Variants in EPHB1 observed in about 807,000 individuals in gnomAD.
EPHB1 encodes ephrin type-B receptor 1.
Under a neutral mutation model 94.4 loss-of-function variants are expected in EPHB1, and 30 were observed. The observed-to-expected ratio is 0.32, with a 90% CI of 0.24 to 0.43. The LOEUF (loss-of-function observed/expected upper bound fraction) is 0.43. Ranked by LOEUF, EPHB1 falls within the 20% of genes least tolerant of loss-of-function variation. EPHB1 has a pLI of 1.00. For missense variants in EPHB1, 1,055 were observed against 1,308.3 expected (o/e 0.81, Z 2.99); for synonymous variants, 522 against 489.1 (o/e 1.07, Z -0.89).
At chr3:135,146,511 T>C (rs1456108570) in intron 5 of EPHB1, among the ~76,000 whole-genome samples, 2 of 152,176 alleles carry the variant, frequency 1.3e-5, no homozygotes, top group African/African-American at 4.8e-5. Flanking sequence ...GGGAAGGCTA[T>C]GCTTGTTCAC....
intron 9 of EPHB1, among the ~76,000 whole-genome samples, chr3:135,176,526 G>A (rs1026765494): frequency 1.3e-5 from 2 of 152,176 alleles, no homozygotes; most frequent in Admixed American, 6.5e-5. Context: ...ACATATATGT[G>A]TGCACACACA....
intron 12 of EPHB1, among the ~76,000 whole-genome samples, chr3:135,210,457 T>C (rs1446617885): frequency 6.6e-6 from 1 of 152,160 alleles, no homozygotes; most frequent in Admixed American, 6.6e-5. Flanking sequence ...TGCGTGCAAA[T>C]GTACTTCATT....
intron 1 of EPHB1, among the ~76,000 whole-genome samples, chr3:134,904,452 C>T (rs1312046785): frequency 6.6e-6 from 1 of 151,380 alleles, no homozygotes; most frequent in Non-Finnish European, 1.5e-5. Context: ...TGGGTGTCAG[C>T]CTGGGCCAGT....
chr3:135,193,154 A>T (rs1942505575), intron 11 of EPHB1, among the ~76,000 whole-genome samples: 1 of 152,246 alleles, frequency 6.6e-6, no homozygotes. Context: ...TGTGTGATTC[A>T]TGCAGACATC....
intron 1 of EPHB1, among the ~76,000 whole-genome samples, chr3:134,862,303 A>G (rs2037281100): frequency 2.0e-5 from 3 of 152,112 alleles, no homozygotes; most frequent in African/African-American, 4.8e-5. Flanking sequence ...GAGGAAGAGC[A>G]GTTTGAGTTG....
At chr3:135,136,859 A>C (rs1940638205) in intron 5 of EPHB1, among the ~76,000 whole-genome samples, 1 of 152,158 alleles carries the variant, frequency 6.6e-6, no homozygotes, top group Non-Finnish European at 1.5e-5. Context: ...CCTTGCACTG[A>C]ATACAGCTGC....
chr3:135,015,707 C>T (rs530474000), intron 3 of EPHB1, among the ~76,000 whole-genome samples: 1 of 152,288 alleles, frequency 6.6e-6, no homozygotes, highest in African/African-American at 2.4e-5. Context: ...ATCTTTTAAC[C>T]TGGATGAACT....
intron 2 of EPHB1, among the ~76,000 whole-genome samples, chr3:134,946,345 C>T (rs909025691): frequency 6.6e-6 from 1 of 152,216 alleles, no homozygotes; most frequent in African/African-American, 2.4e-5. Flanking sequence ...GATTCATCTT[C>T]CTCTCAGTCC....
chr3:135,161,217 A>C (rs989142970), intron 6 of EPHB1, among the ~76,000 whole-genome samples: 1 of 152,172 alleles, frequency 6.6e-6, no homozygotes, highest in Non-Finnish European at 1.5e-5. Context: ...ACATCAGAGG[A>C]CCCAAGTGTG....
chr3:134,943,182 A>G lies in EPHB1; in HGVS notation c.124-8189A>G, dbSNP rs537365802. On this transcript the variant is annotated intron_variant, in intron 2 of 15. Transcript: ENST00000398015. ...TTGTCAACAAAACGTCATGACCAAC[A>G]TGGTCTAGAGTGGTTTCCAAGCCAC... Among the ~76,000 whole-genome samples the G allele has an allele frequency of 1.4e-3, 218 of 152,250 alleles. 1 individual carries two copies. The highest frequency in any genetic ancestry group is 5.2e-3 in the African/African-American group (215 of 41,546).
chr3:135,151,099 C>T (rs903350177), intron 5 of EPHB1, among the ~76,000 whole-genome samples: 1 of 152,186 alleles, frequency 6.6e-6, no homozygotes, highest in African/African-American at 2.4e-5. Flanking sequence ...CCATTGTTTC[C>T]CAGCTATATT....
chr3:134,923,036 T>C (rs1416122624), intron 1 of EPHB1, among the ~76,000 whole-genome samples: 1 of 152,058 alleles, frequency 6.6e-6, no homozygotes. Flanking sequence ...GTCATGATGA[T>C]CATTATTAGT....
Position 134,795,521 on chromosome 3 carries a change from G to T in EPHB1, c.-111G>T. 2.8e-6 allele frequency: 3 copies of T among 1,060,746 alleles called. No homozygotes were observed. The highest frequency in any genetic ancestry group is 2.6e-5 in the East Asian group (1 of 38,356). The allele number at this position is 1,060,746 out of a possible 1,614,324, so 65.7% of individuals were successfully genotyped here. A position where few individuals can be genotyped will look rare whatever the true frequency, so the allele number is the denominator to read the frequency against. The stretch of plus-strand genomic sequence containing the variant: ...GGAAGTCCGGTCCGGGCGAGAGCGC[G>T]AAAGGATACCGAGAAGCCACCCGCG... On this transcript the variant is annotated 5_prime_UTR_variant, in exon 1 of 16. Transcript: ENST00000398015.
chr3:134,968,547 T>C (rs1933849508), intron 3 of EPHB1, among the ~76,000 whole-genome samples: 1 of 152,240 alleles, frequency 6.6e-6, no homozygotes. Flanking sequence ...TTAGTTAACA[T>C]TTTTTAATTT....
At chr3:135,238,733 G>C (rs1943710612) in intron 12 of EPHB1, among the ~76,000 whole-genome samples, 1 of 151,524 alleles carries the variant, frequency 6.6e-6, no homozygotes, top group East Asian at 1.9e-4. Flanking sequence ...CTCTGTCTCT[G>C]TCTCTCTCTC....
intron 1 of EPHB1, among the ~76,000 whole-genome samples, chr3:134,860,738 A>T (rs1225646944): frequency 6.8e-6 from 1 of 146,500 alleles, no homozygotes; most frequent in Non-Finnish European, 1.5e-5. Context: ...GCTTGAACCC[A>T]ATAGGCAGAG....
chr3:135,208,692 A>C (rs1367723533), intron 12 of EPHB1, among the ~76,000 whole-genome samples: 1 of 152,248 alleles, frequency 6.6e-6, no homozygotes, highest in East Asian at 1.9e-4. Flanking sequence ...AAAGCATAAA[A>C]GCTAGAATGA....
intron 1 of EPHB1, among the ~76,000 whole-genome samples, chr3:134,899,132 G>C (rs547796177): frequency 1.3e-5 from 2 of 152,264 alleles, no homozygotes; most frequent in East Asian, 3.9e-4. Context: ...ATGGATTCAT[G>C]GGCTTTTCAC....
intron 4 of EPHB1, among the ~76,000 whole-genome samples, chr3:135,113,242 A>G (rs530112087): frequency 9.2e-5 from 14 of 152,354 alleles, no homozygotes; most frequent in African/African-American, 3.4e-4. Context: ...GAAGCTATCT[A>G]TAACTGTCAC....
Sources: gnomAD v4.1 joint callset for allele counts (sites outside exome capture counted in the v4.1 genomes callset) on GRCh38, gnomAD v4.1.1 for gene constraint, MANE v1.5 for transcripts, NCBI Gene and HGNC (gene_info 2026-07-23, HGNC 2026-07-21) for gene names.